LTAP1: variants seen among roughly 807,000 people sequenced by gnomAD.
LTAP1 encodes the protein HCV NS5A-transactivated protein 4.
At chr1:154,207,136 G>A in the LTAP1 span, 1 of 254,168 alleles carries the variant, frequency 3.9e-6, no homozygotes, top group Non-Finnish European at 7.6e-6. Flanking sequence ...AACAGGGAAG[G>A]TGAACTATGG....
the LTAP1 span, chr1:154,220,520 C>A: frequency 8.3e-7 from 1 of 1,211,974 alleles, no homozygotes; most frequent in South Asian, 1.2e-5. Context: ...CCGGCCATTT[C>A]CTTACGGGGG....
the LTAP1 span, chr1:154,212,350 T>C: frequency 3.7e-6 from 6 of 1,614,006 alleles, no homozygotes; most frequent in Non-Finnish European, 4.2e-6. Flanking sequence ...GGCCTCCTGA[T>C]AGCGTAGGTA....
the LTAP1 span, chr1:154,220,221 G>A: frequency 1.6e-6 from 2 of 1,216,694 alleles, no homozygotes; most frequent in Non-Finnish European, 2.4e-6. Context: ...CTGGAATAAG[G>A]AGTCAAAGCC....
the LTAP1 span, chr1:154,213,181 C>T: frequency 3.3e-5 from 5 of 153,610 alleles, no homozygotes; most frequent in South Asian, 1.0e-3. Context: ...GTGGTAGGTA[C>T]CTGTAATCCC....
the LTAP1 span, among the ~76,000 whole-genome samples, chr1:154,215,114 G>A: frequency 3.9e-5 from 6 of 152,012 alleles, no homozygotes; most frequent in African/African-American, 1.2e-4. Flanking sequence ...CAAAGTGCTG[G>A]GATTACAGGT....
chr1:154,210,387 G>C, the LTAP1 span, among the ~76,000 whole-genome samples: 1 of 152,164 alleles, frequency 6.6e-6, no homozygotes, highest in Non-Finnish European at 1.5e-5. Flanking sequence ...TAGGGACAGA[G>C]AGAAGACAGG....
the LTAP1 span, among the ~76,000 whole-genome samples, chr1:154,216,496 G>A: frequency 6.6e-6 from 1 of 151,026 alleles, no homozygotes; most frequent in African/African-American, 2.4e-5. Context: ...CACCATGCAT[G>A]GCTAATTATT....
At chr1:154,212,166 T>C in the LTAP1 span, 6 of 866,078 alleles carry the variant, frequency 6.9e-6, no homozygotes, top group Non-Finnish European at 1.1e-5. Flanking sequence ...CGCATCTGCT[T>C]TCTAATGTAA....
chr1:154,207,333 A>C, the LTAP1 span: 1 of 863,858 alleles, frequency 1.2e-6, no homozygotes, highest in Non-Finnish European at 1.9e-6. Context: ...TACAACGGGA[A>C]CTTGGATGGA....
the LTAP1 span, chr1:154,207,412 AACTG>A: frequency 8.1e-6 from 13 of 1,600,342 alleles, no homozygotes; most frequent in Non-Finnish European, 1.0e-5. Flanking sequence ...TGCACATTGC[AACTG>A]ACTGGCTTAA....
At chr1:154,220,014 A>T in the LTAP1 span, 1 of 1,232,842 alleles carries the variant, frequency 8.1e-7, no homozygotes, top group Non-Finnish European at 1.1e-6. Context: ...GCATGCCTTC[A>T]TTCCAAATCC....
chr1:154,211,737 G>A, the LTAP1 span: 1 of 153,594 alleles, frequency 6.5e-6, no homozygotes, highest in Non-Finnish European at 1.4e-5. Flanking sequence ...TATTCCCTTT[G>A]CTAGGCTACA....
the LTAP1 span, chr1:154,207,722 A>T: frequency 2.9e-5 from 35 of 1,222,036 alleles, no homozygotes; most frequent in East Asian, 3.8e-4. Flanking sequence ...CCCAGGCCAT[A>T]AATGCAGCAA....
At chr1:154,212,810 C>T in the LTAP1 span, 1 of 599,076 alleles carries the variant, frequency 1.7e-6, no homozygotes, top group Non-Finnish European at 2.9e-6. Context: ...TACAGATGTG[C>T]ACCACCATGC....
At chr1:154,207,154 C>A in the LTAP1 span, 3 of 278,006 alleles carry the variant, frequency 1.1e-5, no homozygotes, top group East Asian at 9.5e-5. Flanking sequence ...TGGCTGAAAC[C>A]AAGTGAAGAT....
chr1:154,214,374 G>C, the LTAP1 span: 1 of 867,020 alleles, frequency 1.2e-6, no homozygotes, highest in Admixed American at 2.0e-5. Context: ...GGCTTTGCCA[G>C]CAGCTTTTGA....
chr1:154,212,131 A>T, the LTAP1 span: 1 of 650,474 alleles, frequency 1.5e-6, no homozygotes, highest in East Asian at 2.8e-5. Context: ...TGCTGGGATT[A>T]TAGGCGTGAA....
the LTAP1 span, among the ~76,000 whole-genome samples, chr1:154,218,231 C>G: frequency 6.6e-6 from 1 of 152,192 alleles, no homozygotes; most frequent in Non-Finnish European, 1.5e-5. Flanking sequence ...AGGAGAGAAA[C>G]TGTTGGACCA....
the LTAP1 span, among the ~76,000 whole-genome samples, chr1:154,218,694 C>A: frequency 6.6e-6 from 1 of 152,168 alleles, no homozygotes; most frequent in South Asian, 2.1e-4. Flanking sequence ...TTTCATTCAA[C>A]AAGAAATTAC....
Sources: allele counts gnomAD v4.1 joint callset (sites outside exome capture counted in the v4.1 genomes callset), GRCh38; gene constraint gnomAD v4.1.1; transcripts MANE v1.5; gene names NCBI Gene and HGNC (gene_info 2026-07-23, HGNC 2026-07-21).